Variants in INTS1 observed in about 807,000 individuals in gnomAD.
INTS1 encodes the protein integrator complex subunit 1.
In INTS1, 137 loss-of-function variants were observed where a neutral mutation model predicts 241.6. The observed-to-expected ratio is 0.57, with a 90% CI of 0.49 to 0.65. INTS1 has a LOEUF of 0.65. Among genes scored for constraint, INTS1 ranks in the 30% least tolerant of loss-of-function variants. INTS1 has a pLI of 0.00. For synonymous variants in INTS1, 1,692 were observed against 1,337.8 expected (o/e 1.26, Z -5.78); for missense variants, 3,073 against 3,032.2 (o/e 1.01, Z -0.32).
Position 1,496,138 on chromosome 7 carries a change from C to A in INTS1, c.1711+18G>T, listed in dbSNP as rs778846119. The A allele has an allele frequency of 1.9e-6, 3 of 1,604,264 alleles. No individual in the cohort carries two copies. The South Asian group carries it at 3.3e-5, about 18-fold the overall frequency. ...GAGACCCCCACCAAGCAGGGCCAGG[C>A]CACCCCCACATCCTTACTCCTCTTT... is the stretch of plus-strand genomic sequence containing the variant. On this transcript the variant is annotated intron_variant, in intron 12 of 47. Coordinates refer to ENST00000404767, the MANE Select transcript of INTS1 (RefSeq NM_001080453.3).
chr7:1,484,349 A>C (rs898480524), intron 24 of INTS1, among the ~76,000 whole-genome samples, 179 bp from the exon 25 acceptor site: 2 of 152,090 alleles, frequency 1.3e-5, no homozygotes, highest in African/African-American at 4.8e-5. Context: ...CGGACTCTCC[A>C]GGGGGGAGGG....
chr7:1,503,773 C>T (rs1783319614), intron 2 of INTS1, 130 bp downstream of exon 2: 2 of 684,340 alleles, frequency 2.9e-6, no homozygotes, highest in South Asian at 1.8e-5. Context: ...GTTTCCAGAC[C>T]GAATTCCTGG....
rs1040841168 is a variant in INTS1, at chr7:1,471,857, C to T, written c.6185-216G>A. On this transcript the variant is annotated intron_variant, in intron 44 of 47. Coordinates refer to ENST00000404767, the MANE Select transcript of INTS1 (RefSeq NM_001080453.3). ...AGTGGCCTCCAAGGAGAGGGGTTGA[C>T]CCCTCACGGCAGCCCCATATCCAGG... 5.2e-4 allele frequency: 310 copies of T among 596,852 alleles called. 5 individuals carry two copies. In the Admixed American group the frequency reaches 9.0e-3, roughly 17 times the overall value. The allele number at this position is 596,852 out of a possible 1,614,324, so 37.0% of individuals were successfully genotyped here.
At position 1,478,792 on chromosome 7, in the gene INTS1, C is replaced by T. The variant is rs779382949; in HGVS notation, c.4423G>A (p.Gly1475Arg). ...ATCCTGAGCTGTGCCCGCAGGGGCCCGCCCTCCACGCCAGGGCTGTCCAGC... is the reference window on the plus strand; with the variant it reads ...ATCCTGAGCTGTGCCCGCAGGGGCCTGCCCTCCACGCCAGGGCTGTCCAGC... ...QWLDSPGVEG[G>R]PLRAQLRMLA... Residue 1475 changes from glycine to arginine, a missense_variant, in exon 32 of 48, where the codon GGG (glycine) becomes AGG (arginine). Coordinates refer to ENST00000404767, the MANE Select transcript of INTS1 (RefSeq NM_001080453.3). 2.2e-5 allele frequency: 36 copies of T among 1,604,956 alleles called. No homozygotes were observed. The highest frequency in any genetic ancestry group is 3.4e-5 in the Admixed American group (2 of 59,238).
rs1380699380 is a variant in INTS1, at chr7:1,470,661, G to A, written c.6489C>T (p.Phe2163=). 6.3e-7 allele frequency: 1 copy of A among 1,581,554 alleles called. No homozygotes were observed. Among genetic ancestry groups the A allele is most frequent in the South Asian group, 1.1e-5 (1 of 87,016 alleles). Residue 2163 remains phenylalanine (F), a synonymous_variant, in exon 48 of 48, where the codon TTC becomes TTT. Transcript: ENST00000404767. The part of the protein sequence containing the change: ...EHAAVLLHRA[F]LVGMYGQMDP... Reference sequence around the variant, plus strand: ...CCATCTGGCCGTACATGCCCACCAGGAAGGCCCGGTGGAGCAGCACAGCCG... The same window carrying A: ...CCATCTGGCCGTACATGCCCACCAGAAAGGCCCGGTGGAGCAGCACAGCCG...
intron 18 of INTS1, among the ~76,000 whole-genome samples, chr7:1,488,786 C>G (rs973277099): frequency 1.6e-4 from 25 of 152,346 alleles, no homozygotes; most frequent in African/African-American, 6.0e-4. Context: ...CTCGCCCACA[C>G]TGTGTGGGCA....
intron 1 of INTS1, 35 bp from the exon 2 acceptor site, chr7:1,504,036 T>A: frequency 9.0e-7 from 1 of 1,109,572 alleles, no homozygotes; most frequent in Non-Finnish European, 1.3e-6. Context: ...ATTCCTTCAC[T>A]CATTCGCTCG....
At chr7:1,494,752 G>GGCCCGGCACCCCGCAGCCC in intron 14 of INTS1, 64 bp downstream of exon 14, 1 of 1,506,100 alleles carries the variant, frequency 6.6e-7, no homozygotes, top group African/African-American at 1.4e-5. Context: ...TGCCGCAGCC[G>GGCCCGGCACCCCGCAGCCC]GCCCGGCACC....
intron 16 of INTS1, among the ~76,000 whole-genome samples, chr7:1,490,085 G>A (rs1245981398): frequency 9.7e-6 from 1 of 103,058 alleles, no homozygotes; most frequent in African/African-American, 6.1e-5. Flanking sequence ...TCCTGGCTAT[G>A]AGACAGATGT....
Position 1,472,263 on chromosome 7 carries a change from C to G in INTS1, c.6184+10G>C. ...CTGACCTGGCGTGGGTGAAGCAGGG[C>G]CTGACTCACCCTCCACCGTTTGGCC... On this transcript the variant is annotated intron_variant, in intron 44 of 47. Transcript: ENST00000404767. 6.5e-7 allele frequency: 1 copy of G among 1,545,406 alleles called. No individual in the cohort carries two copies. Among genetic ancestry groups the G allele is most frequent in the Non-Finnish European group, 8.8e-7 (1 of 1,142,492 alleles).
At position 1,473,022 on chromosome 7, in the gene INTS1, G is replaced by A. The variant is rs1562483826; in HGVS notation, c.6070+50C>T. 5 of 1,298,654 alleles carry A rather than the reference G, an allele frequency of 3.9e-6. No homozygotes were observed. The South Asian group carries it at 5.2e-5, about 13-fold the overall frequency. The allele number at this position is 1,298,654 out of a possible 1,614,324, so 80.4% of individuals were successfully genotyped here. A position where few individuals can be genotyped will look rare whatever the true frequency, so the allele number is the denominator to read the frequency against. The stretch of plus-strand genomic sequence containing the variant: ...CTGTGCGCTGGGAAAACCAGGCCCT[G>A]TAGGACTGTTCCGCAGCTGCTTCCA... On this transcript the variant is annotated intron_variant, in intron 43 of 47. Coordinates refer to ENST00000404767, the MANE Select transcript of INTS1 (RefSeq NM_001080453.3).
intron 39 of INTS1, among the ~76,000 whole-genome samples, chr7:1,475,097 C>T (rs765045599): frequency 1.7e-4 from 26 of 152,248 alleles, no homozygotes; most frequent in Non-Finnish European, 1.6e-4. Context: ...AACTACACAT[C>T]GGCCAAGCAG....
chr7:1,503,333 C>A, intron 2 of INTS1, 142 bp from the exon 3 acceptor site: 1 of 865,448 alleles, frequency 1.2e-6, no homozygotes, highest in Non-Finnish European at 1.7e-6. Flanking sequence ...ACTCAGCAGC[C>A]TACAGCAGAG....
intron 16 of INTS1, among the ~76,000 whole-genome samples, chr7:1,492,269 G>A (rs967602800): frequency 6.6e-6 from 1 of 152,296 alleles, no homozygotes; most frequent in Non-Finnish European, 1.5e-5. Context: ...CCACGAGGAG[G>A]ACTTTGATAC....
rs570361466 is a variant in INTS1, at chr7:1,497,449, C to T, written c.1426-135G>A. ...TCAGACAGTGTGGGGTGCGGGGTGG[C>T]GGGCTCCTTGCTCTACTGGCTGCCA... On this transcript the variant is annotated intron_variant, in intron 10 of 47. Transcript: ENST00000404767. The surrounding 1 kb of genome is among the most constrained non-coding windows in gnomAD (Gnocchi z 5.3). 5.8e-4 allele frequency: 501 copies of T among 859,684 alleles called. 2 individuals carry two copies. Among genetic ancestry groups the T allele is most frequent in the African/African-American group, 5.0e-3 (290 of 58,234 alleles). The allele number at this position is 859,684 out of a possible 1,614,324, so 53.3% of individuals were successfully genotyped here.
At chr7:1,480,813 TG>T (rs1562494195) in intron 29 of INTS1, 21 bp downstream of exon 29, 1 of 1,535,710 alleles carries the variant, frequency 6.5e-7, no homozygotes, top group East Asian at 2.4e-5. Context: ...GTCTCTGTGC[TG>T]GCCCCACCCC....
In INTS1 at chr7:1,503,964, G is replaced by A. The variant is rs755772315; in HGVS notation, c.-4C>T. ...TGGTGGGCTTGGCCCGGTTCATCCTGCCCCGTCCCTCGCGGCTCCCGGCGG... is the reference window on the plus strand; with the variant it reads ...TGGTGGGCTTGGCCCGGTTCATCCTACCCCGTCCCTCGCGGCTCCCGGCGG... On this transcript the variant is annotated 5_prime_UTR_variant, in exon 2 of 48. Transcript: ENST00000404767. The A allele has an allele frequency of 1.9e-6, 3 of 1,553,074 alleles. No homozygotes were observed. The highest frequency in any genetic ancestry group is 2.6e-6 in the Non-Finnish European group (3 of 1,150,014).
Position 1,502,942 on chromosome 7 carries a change from A to G in INTS1, c.308T>C (p.Ile103Thr). 1 of 1,613,786 alleles carries G rather than the reference A, an allele frequency of 6.2e-7. No individual in the cohort carries two copies. Among genetic ancestry groups the G allele is most frequent in the Non-Finnish European group, 8.5e-7 (1 of 1,179,872 alleles). ...AEAAVAEKRA[I>T]SPSIKEPSVV... ...AGATGGCTCTTTAATCGACGGAGAA[A>G]TGGCTCGTTTTTCTGCCACTGCAGC... Residue 103 changes from isoleucine (I) to threonine (T), a missense_variant, in exon 3 of 48, where the codon ATT becomes ACT. Transcript: ENST00000404767.
At position 1,493,643 on chromosome 7, in the gene INTS1, G is replaced by A; in HGVS notation, c.2068+111C>T. 1.4e-6 allele frequency: 2 copies of A among 1,388,750 alleles called. No individual in the cohort carries two copies. Among genetic ancestry groups the A allele is most frequent in the Non-Finnish European group, 1.9e-6 (2 of 1,051,570 alleles). 86.0% of individuals were successfully genotyped at this position (1,388,750 alleles called of 1,614,324 possible). A position where few individuals can be genotyped will look rare whatever the true frequency, so the allele number is the denominator to read the frequency against. Reference sequence around the variant, plus strand: ...GAGCCTCCCGGGGACCCAGGACCCAGCTGAAGCGCAGCTTTGTGGAGCGCC... The same window carrying A: ...GAGCCTCCCGGGGACCCAGGACCCAACTGAAGCGCAGCTTTGTGGAGCGCC... On this transcript the variant is annotated intron_variant, in intron 15 of 47. Coordinates refer to ENST00000404767, the MANE Select transcript of INTS1 (RefSeq NM_001080453.3). The surrounding 1 kb of genome is among the most constrained non-coding windows in gnomAD (Gnocchi z 5.3).
Sources: gnomAD v4.1 joint callset for allele counts (sites outside exome capture counted in the v4.1 genomes callset) on GRCh38, gnomAD v4.1.1 for gene constraint, Gnocchi (gnomAD v3.1) non-coding constraint, MANE v1.5 for transcripts, NCBI Gene and HGNC (gene_info 2026-07-23, HGNC 2026-07-21) for gene names.